HECW1: variants seen among roughly 807,000 people sequenced by gnomAD.
HECW1 encodes HECT, C2 and WW domain containing E3 ubiquitin protein ligase 1.
A neutral mutation model predicts 182.3 loss-of-function variants in HECW1; 61 were observed. The ratio of observed to expected loss-of-function variants is 0.33; its 90% CI spans 0.27 to 0.41. The LOEUF is 0.41. Among genes scored for constraint, HECW1 ranks in the 10% least tolerant of loss-of-function variants. The probability of loss-of-function intolerance (pLI) is 1.00; values close to 1 mark genes in which losing one functional copy is unlikely to be tolerated. For missense variants in HECW1, 1,739 were observed against 2,108.9 expected, an observed-to-expected ratio of 0.82 and a Z score of 3.44; for synonymous variants, 859 against 832.6, an observed-to-expected ratio of 1.03 and a Z score of -0.55.
chr7:43,190,391 C>T (rs940209536), intron 2 of HECW1, among the ~76,000 whole-genome samples: 2 of 152,126 alleles, frequency 1.3e-5, no homozygotes, highest in Admixed American at 6.6e-5. Context: ...GGGTTACAGG[C>T]GTGAGCCCCT....
Position 43,523,035 on chromosome 7 carries a change from C to T in HECW1, c.4019+13914C>T, listed in dbSNP as rs1201353043. On this transcript the variant is annotated intron_variant, in intron 24 of 29. Transcript: ENST00000395891. ...TTGTTTGTTTTGAGATGGAATTTCGCTCTTGTCCCCCAGGCTAGAGTGCAA... is the reference window on the plus strand; with the variant it reads ...TTGTTTGTTTTGAGATGGAATTTCGTTCTTGTCCCCCAGGCTAGAGTGCAA... 6 of 447,160 alleles carry T rather than the reference C, an allele frequency of 1.3e-5. No individual in the cohort carries two copies. In the East Asian group the frequency reaches 3.7e-4, roughly 27 times the overall value. The allele number at this position is 447,160 out of a possible 1,614,324, so 27.7% of individuals were successfully genotyped here. A position where few individuals can be genotyped will look rare whatever the true frequency, so the allele number is the denominator to read the frequency against.
At chr7:43,263,972 G>T (rs1201251717) in intron 3 of HECW1, among the ~76,000 whole-genome samples, 1 of 152,024 alleles carries the variant, frequency 6.6e-6, no homozygotes, top group African/African-American at 2.4e-5. Flanking sequence ...ATAACTGTGG[G>T]ATTATCCCAA....
chr7:43,220,582 C>T (rs1029966387), intron 2 of HECW1, among the ~76,000 whole-genome samples: 4 of 152,136 alleles, frequency 2.6e-5, no homozygotes, highest in Non-Finnish European at 2.9e-5. Context: ...TAGAGCCTGC[C>T]GTGAATAACA....
chr7:43,234,000 A>G (rs1798092525), intron 2 of HECW1, among the ~76,000 whole-genome samples: 1 of 152,248 alleles, frequency 6.6e-6, no homozygotes, highest in African/African-American at 2.4e-5. Flanking sequence ...CATCGCAGGT[A>G]GCGAGATGAG....
intron 5 of HECW1, among the ~76,000 whole-genome samples, chr7:43,341,472 C>A (rs1184760834): frequency 2.0e-5 from 3 of 151,684 alleles, no homozygotes; most frequent in Admixed American, 2.0e-4. Flanking sequence ...TATACAGTTA[C>A]TCATGTAAAA....
At chr7:43,323,556 A>G (rs1276711167) in intron 5 of HECW1, among the ~76,000 whole-genome samples, 1 of 152,164 alleles carries the variant, frequency 6.6e-6, no homozygotes, top group Non-Finnish European at 1.5e-5. Context: ...ACTAAACTCT[A>G]GCCTGGCCAC....
intron 3 of HECW1, among the ~76,000 whole-genome samples, chr7:43,291,582 A>C (rs1320059164): frequency 1.3e-5 from 2 of 152,238 alleles, no homozygotes; most frequent in African/African-American, 4.8e-5. Context: ...AAGCAAGGAA[A>C]CTTGAAGGAA....
Position 43,544,247 on chromosome 7 carries a change from A to G in HECW1, c.4248+2249A>G, listed in dbSNP as rs1282971400. On this transcript the variant is annotated intron_variant, in intron 26 of 29. Transcript: ENST00000395891. ...TTGAAAGCAACATAATGTTTAATAC[A>G]TAACATAAAGACTATTTCTTTCAAT... 2.6e-5 allele frequency among the ~76,000 whole-genome samples: 4 copies of G among 152,268 alleles called. No homozygotes were observed. The East Asian group carries it at 5.8e-4, about 22-fold the overall frequency.
At chr7:43,427,568 A>G (rs1420945808) in intron 8 of HECW1, among the ~76,000 whole-genome samples, 1 of 152,242 alleles carries the variant, frequency 6.6e-6, no homozygotes, top group Non-Finnish European at 1.5e-5. Flanking sequence ...TTAGGTTTCT[A>G]TCAGTACATA....
At chr7:43,186,131 G>A (rs1391131177) in intron 2 of HECW1, among the ~76,000 whole-genome samples, 1 of 150,724 alleles carries the variant, frequency 6.6e-6, no homozygotes, top group Non-Finnish European at 1.5e-5. Context: ...TTCATGCTTA[G>A]AGGTCACCTC....
Position 43,493,139 on chromosome 7 carries a change from G to T in HECW1, c.3396G>T (p.Leu1132=). 6.2e-7 allele frequency: 1 copy of T among 1,613,696 alleles called. No individual in the cohort carries two copies. The highest frequency in any genetic ancestry group is 1.1e-5 in the South Asian group (1 of 91,050). Residue 1132 remains leucine (L), a synonymous_variant, in exon 19 of 30, where the codon CTG becomes CTT. Coordinates refer to ENST00000395891, the MANE Select transcript of HECW1 (RefSeq NM_015052.5). ...FLRQPNIFEM[L]QERQPSLARN... is the part of the protein sequence containing the mutation. Reference sequence around the variant, plus strand: ...GCCAGCCAAACATTTTTGAAATGCTGCAAGAGCGTCAGCCAAGCTTAGCAA... The same window carrying T: ...GCCAGCCAAACATTTTTGAAATGCTTCAAGAGCGTCAGCCAAGCTTAGCAA...
Position 43,509,020 on chromosome 7 carries a change from G to T in HECW1, c.3918G>T (p.Glu1306Asp), listed in dbSNP as rs2079729799. ...SREFFFLLSQ[E>D]LFNPYYGLFE... ...AGTTCTTCTTCCTTCTGTCTCAGGA[G>T]CTCTTCAACCCTTACTATGGACTCT... Residue 1306 changes from glutamate to aspartate, a missense_variant, in exon 24 of 30, where the codon GAG becomes GAT. Coordinates refer to ENST00000395891, the MANE Select transcript of HECW1 (RefSeq NM_015052.5). 1 of 1,613,988 alleles carries T rather than the reference G, an allele frequency of 6.2e-7. No homozygotes were observed. The highest frequency in any genetic ancestry group is 8.5e-7 in the Non-Finnish European group (1 of 1,179,986).
At chr7:43,421,675 G>A (rs554460575) in intron 8 of HECW1, among the ~76,000 whole-genome samples, 14 of 152,296 alleles carry the variant, frequency 9.2e-5, no homozygotes, top group African/African-American at 3.4e-4. Context: ...CTATGAGAAG[G>A]TGTTTAACTT....
chr7:43,295,004 G>A (rs1324748415), intron 3 of HECW1, among the ~76,000 whole-genome samples: 1 of 152,072 alleles, frequency 6.6e-6, no homozygotes, highest in Non-Finnish European at 1.5e-5. Context: ...AAGCAGGGAG[G>A]GGGCTTCCAG....
chr7:43,264,838 G>A (rs371068408), intron 3 of HECW1, among the ~76,000 whole-genome samples: 2 of 98,572 alleles, frequency 2.0e-5, no homozygotes, highest in African/African-American at 7.4e-5. Flanking sequence ...AGTGAGACTC[G>A]GTTTAAAAAA....
chr7:43,468,967 T>C lies in HECW1; in HGVS notation c.2961T>C (p.Ile987=). Residue 987 remains isoleucine, a synonymous_variant, in exon 16 of 30, where the codon ATT becomes ATC. Transcript: ENST00000395891. ...FTSSTCLKHM[I]LKVRRDARNF... ...GTAGCACCTGCTTAAAGCACATGAT[T>C]CTGAAAGTCCGACGGGATGCTCGCA... 6.2e-7 allele frequency: 1 copy of C among 1,614,188 alleles called. No individual in the cohort carries two copies. The highest frequency in any genetic ancestry group is 8.5e-7 in the Non-Finnish European group (1 of 1,180,044).
chr7:43,179,460 A>G (rs901631865), intron 2 of HECW1, among the ~76,000 whole-genome samples: 3 of 152,214 alleles, frequency 2.0e-5, no homozygotes, highest in Non-Finnish European at 2.9e-5. Context: ...GAATGGCTTT[A>G]TATTTTACTG....
chr7:43,451,498 A>G (rs2077234230), intron 12 of HECW1, among the ~76,000 whole-genome samples: 1 of 152,216 alleles, frequency 6.6e-6, no homozygotes, highest in Non-Finnish European at 1.5e-5. Context: ...TCTCCTGGTA[A>G]CTGTAGTGGG....
At chr7:43,276,841 A>G (rs1013518133) in intron 3 of HECW1, among the ~76,000 whole-genome samples, 1 of 152,210 alleles carries the variant, frequency 6.6e-6, no homozygotes, top group Admixed American at 6.5e-5. Context: ...TACTTTTCCT[A>G]AAGTGAAGTC....
Sources: gnomAD v4.1 joint callset for allele counts (sites outside exome capture counted in the v4.1 genomes callset) on GRCh38, gnomAD v4.1.1 for gene constraint, MANE v1.5 for transcripts, NCBI Gene and HGNC (gene_info 2026-07-23, HGNC 2026-07-21) for gene names.